EBF2: variants seen among roughly 807,000 people sequenced by gnomAD.
The protein encoded by EBF2 is transcription factor COE2.
EBF2 carries 21 observed loss-of-function variants against 72.8 expected under a neutral mutation model. The observed-to-expected ratio is 0.29, with a 90% CI of 0.20 to 0.42. The LOEUF (loss-of-function observed/expected upper bound fraction) is 0.42. EBF2 is among the 10% of genes least tolerant of loss of function. EBF2 has a pLI of 1.00. For missense variants in EBF2, 637 were observed against 731.2 expected, an observed-to-expected ratio of 0.87 and a Z score of 1.49; for synonymous variants, 299 against 274.2, an observed-to-expected ratio of 1.09 and a Z score of -0.89.
chr8:25,921,198 A>G (rs1349392792), intron 6 of EBF2, among the ~76,000 whole-genome samples: 1 of 152,174 alleles, frequency 6.6e-6, no homozygotes, highest in African/African-American at 2.4e-5. Context: ...CATTTGCCAA[A>G]CCCATGTAAA....
chr8:25,987,714 A>G (rs1804482896), intron 6 of EBF2, among the ~76,000 whole-genome samples: 1 of 151,992 alleles, frequency 6.6e-6, no homozygotes, highest in Admixed American at 6.5e-5. Flanking sequence ...GTATCGTGCT[A>G]CTCTTCTTGA....
At chr8:25,922,263 C>CAA (rs1473192781) in intron 6 of EBF2, among the ~76,000 whole-genome samples, 8 of 145,620 alleles carry the variant, frequency 5.5e-5, no homozygotes, top group African/African-American at 2.0e-4. Flanking sequence ...AAAAAAAAAA[C>CAA]AAACAAAAAA....
intron 10 of EBF2, among the ~76,000 whole-genome samples, chr8:25,877,722 C>T (rs953906839): frequency 3.9e-5 from 6 of 152,044 alleles, no homozygotes; most frequent in East Asian, 1.9e-4. Context: ...TGGAGTCTCC[C>T]GCAGGACTCT....
At chr8:26,040,464 C>T in intron 4 of EBF2, 152 bp downstream of exon 4, 1 of 709,740 alleles carries the variant, frequency 1.4e-6, no homozygotes, top group Non-Finnish European at 2.3e-6. Context: ...AAAATCTTCC[C>T]TAGCAGACAA....
intron 6 of EBF2, among the ~76,000 whole-genome samples, chr8:26,030,942 G>T (rs1053045170): frequency 6.6e-6 from 1 of 152,166 alleles, no homozygotes. Flanking sequence ...CATGTAATAT[G>T]TGTGTTACAT....
At position 25,929,969 on chromosome 8, in the gene EBF2, G is replaced by A. The variant is rs530216016; in HGVS notation, c.552-21414C>T. Among the ~76,000 whole-genome samples, 30 of 152,158 alleles carry A rather than the reference G, an allele frequency of 2.0e-4. 1 individual carries two copies. The highest frequency in any genetic ancestry group is 4.6e-4 in the Admixed American group (7 of 15,266). On this transcript the variant is annotated intron_variant, in intron 6 of 15. Coordinates refer to ENST00000520164, the MANE Select transcript of EBF2 (RefSeq NM_022659.4). ...CTTTAGGGTGGCTGATGCGGGAGCCGAATGGAGAACAAAATAATGAGGCAG... is the reference window on the plus strand; with the variant it reads ...CTTTAGGGTGGCTGATGCGGGAGCCAAATGGAGAACAAAATAATGAGGCAG...
At chr8:26,023,071 C>A (rs1017487690) in intron 6 of EBF2, among the ~76,000 whole-genome samples, 1 of 152,176 alleles carries the variant, frequency 6.6e-6, no homozygotes, top group African/African-American at 2.4e-5. Flanking sequence ...ATATAGGTCT[C>A]ATTTCCCAAC....
chr8:25,916,521 A>G (rs1001891082), intron 6 of EBF2, among the ~76,000 whole-genome samples: 2 of 152,110 alleles, frequency 1.3e-5, no homozygotes. Flanking sequence ...AGACAAAATT[A>G]TTCCAGAAGG....
chr8:25,910,002 T>A (rs1803100744), intron 6 of EBF2, among the ~76,000 whole-genome samples: 1 of 152,138 alleles, frequency 6.6e-6, no homozygotes. Flanking sequence ...TTGCTTCCTG[T>A]GCCCCGGAGG....
chr8:25,858,621 A>C (rs1802145857), intron 13 of EBF2, 117 bp from the exon 14 acceptor site: 3 of 558,268 alleles, frequency 5.4e-6, no homozygotes, highest in African/African-American at 4.1e-5. Flanking sequence ...TGCCCCGGGC[A>C]GTTGTAGGAA....
At chr8:25,847,046 G>T (rs906379359) in intron 15 of EBF2, among the ~76,000 whole-genome samples, 2 of 152,220 alleles carry the variant, frequency 1.3e-5, no homozygotes, top group African/African-American at 2.4e-5. Context: ...TCTGGAATCT[G>T]CATGTCTGGG....
intron 6 of EBF2, among the ~76,000 whole-genome samples, chr8:25,939,020 C>A (rs779440309): frequency 2.0e-5 from 3 of 152,092 alleles, no homozygotes; most frequent in Non-Finnish European, 2.9e-5. Flanking sequence ...GACAGTCTCT[C>A]CCTTTTCCCT....
intron 7 of EBF2, 131 bp from the exon 8 acceptor site, chr8:25,890,000 TCAA>T: frequency 1.4e-6 from 1 of 727,860 alleles, no homozygotes; most frequent in East Asian, 2.6e-5. Context: ...AACTTGGGAC[TCAA>T]CAGAGTTTTC....
At chr8:25,888,226 G>A (rs1802724833) in intron 8 of EBF2, among the ~76,000 whole-genome samples, 1 of 152,186 alleles carries the variant, frequency 6.6e-6, no homozygotes, top group Admixed American at 6.5e-5. Context: ...AAAAGTCCTT[G>A]CATTCAAAGG....
In EBF2 at chr8:25,972,030, G is replaced by A. The variant is rs79442829; in HGVS notation, c.551+61055C>T. On this transcript the variant is annotated intron_variant, in intron 6 of 15. Coordinates refer to ENST00000520164, the MANE Select transcript of EBF2 (RefSeq NM_022659.4). Reference sequence around the variant, plus strand: ...ATCAAAAGGTTAGTGCTCTGCAAGGGGGTGGCAGAGCTGGCTCCAGCTGAC... The same window carrying A: ...ATCAAAAGGTTAGTGCTCTGCAAGGAGGTGGCAGAGCTGGCTCCAGCTGAC... Among the ~76,000 whole-genome samples the A allele has an allele frequency of 7.8e-3, 1,189 of 152,326 alleles. 12 individuals carry two copies. Among genetic ancestry groups the A allele is most frequent in the African/African-American group, 0.027 (1,128 of 41,566 alleles).
At chr8:25,865,241 C>A (rs1386855676) in intron 10 of EBF2, among the ~76,000 whole-genome samples, 3 of 152,204 alleles carry the variant, frequency 2.0e-5, no homozygotes, top group Non-Finnish European at 4.4e-5. Context: ...TTCTTTAGAT[C>A]CCTCAGTAAA....
At chr8:25,970,314 G>A (rs776536900) in intron 6 of EBF2, among the ~76,000 whole-genome samples, 22 of 152,248 alleles carry the variant, frequency 1.4e-4, no homozygotes, top group Non-Finnish European at 2.8e-4. Flanking sequence ...GCTTCGACAG[G>A]AGCCTTCATC....
rs774788682 is a variant in EBF2, at chr8:25,861,231, A to T, written c.1165-5T>A. On this transcript the variant is annotated splice_polypyrimidine_tract_variant and splice_region_variant and intron_variant, in intron 12 of 15. Coordinates refer to ENST00000520164, the MANE Select transcript of EBF2 (RefSeq NM_022659.4). Reference sequence around the variant, plus strand: ...GGCTCGCTTCAAAATGATGTCCTACAAAACAACAGGTTAATGTGAGCATTC... The same window carrying T: ...GGCTCGCTTCAAAATGATGTCCTACTAAACAACAGGTTAATGTGAGCATTC... 1 of 1,613,036 alleles carries T rather than the reference A, an allele frequency of 6.2e-7. No homozygotes were observed. Among genetic ancestry groups the T allele is most frequent in the Admixed American group, 1.7e-5 (1 of 59,930 alleles).
intron 6 of EBF2, among the ~76,000 whole-genome samples, chr8:26,002,065 C>T (rs991845228): frequency 2.5e-4 from 38 of 152,154 alleles, no homozygotes; most frequent in African/African-American, 9.2e-4. Flanking sequence ...CAGTATCACC[C>T]GACTTTAGCA....
Sources: allele counts gnomAD v4.1 joint callset (sites outside exome capture counted in the v4.1 genomes callset), GRCh38; gene constraint gnomAD v4.1.1; transcripts MANE v1.5; gene names NCBI Gene and HGNC (gene_info 2026-07-23, HGNC 2026-07-21).